SDC2: variants seen among roughly 807,000 people sequenced by gnomAD.
SDC2 encodes the protein syndecan-2.
Under a neutral mutation model 22.2 loss-of-function variants are expected in SDC2, and 13 were observed. The observed-to-expected ratio is 0.59, with a 90% confidence interval of 0.38 to 0.93. The LOEUF (loss-of-function observed/expected upper bound fraction) is 0.93, where lower values mean the gene tolerates loss of function less well. SDC2 is among the 40% of genes least tolerant of loss of function. The probability of loss-of-function intolerance (pLI) is 0.00; values close to 1 mark genes in which losing one functional copy is unlikely to be tolerated. For missense variants in SDC2, 235 were observed against 246.8 expected (o/e 0.95, Z 0.32); for synonymous variants, 94 against 92.8 (o/e 1.01, Z -0.07).
At chr8:96,549,240 A>AT (rs1304469315) in intron 1 of SDC2, among the ~76,000 whole-genome samples, 8 of 152,154 alleles carry the variant, frequency 5.3e-5, no homozygotes, top group Admixed American at 3.9e-4. Flanking sequence ...TCTCCTTTGC[A>AT]TTTTTTTCTC....
At chr8:96,561,381 A>G (rs2582845) in intron 1 of SDC2, among the ~76,000 whole-genome samples, 5,997 of 152,256 alleles carry the variant, frequency 0.039, 441 homozygotes, top group African/African-American at 0.14. Flanking sequence ...AGCTGAGGGG[A>G]GGAAGAACAG....
chr8:96,512,005 C>A (rs990469739), intron 1 of SDC2, among the ~76,000 whole-genome samples: 1 of 152,198 alleles, frequency 6.6e-6, no homozygotes, highest in African/African-American at 2.4e-5. Context: ...TGTGCTCACA[C>A]GCAGTTCTTA....
intron 2 of SDC2, among the ~76,000 whole-genome samples, chr8:96,601,289 G>A (rs1814978448): frequency 6.6e-6 from 1 of 152,122 alleles, no homozygotes; most frequent in African/African-American, 2.4e-5. Flanking sequence ...GCAGAGTGGA[G>A]AAGATGATGA....
rs1262165641 is a variant in SDC2, at chr8:96,501,255, A to C, written c.60+6924A>C. The stretch of plus-strand genomic sequence containing the variant: ...CACGGGACAAGATACGCAATTATTA[A>C]AGGAAAATTTTTTTTAAGGGAAAAG... On this transcript the variant is annotated intron_variant, in intron 1 of 4. Coordinates refer to ENST00000302190, the MANE Select transcript of SDC2 (RefSeq NM_002998.4). Among the ~76,000 whole-genome samples, 4 of 151,672 alleles carry C rather than the reference A, an allele frequency of 2.6e-5. No individual in the cohort carries two copies. The South Asian group carries it at 6.3e-4, about 24-fold the overall frequency.
rs140086662 is a variant in SDC2 at position 96,595,738 on chromosome 8, A to G, written c.172+2147A>G. The stretch of plus-strand genomic sequence containing the variant: ...GTAAGTTTTCTTTAAATTAAACTTA[A>G]GGACAGTCTTAGCAAATCAACACAA... On this transcript the variant is annotated intron_variant, in intron 2 of 4. Transcript: ENST00000302190. Among the ~76,000 whole-genome samples the G allele has an allele frequency of 5.3e-5, 8 of 152,342 alleles. No homozygotes were observed. The East Asian group carries it at 1.3e-3, about 26-fold the overall frequency.
intron 1 of SDC2, among the ~76,000 whole-genome samples, chr8:96,561,500 A>G (rs550172804): frequency 6.6e-6 from 1 of 152,194 alleles, no homozygotes; most frequent in Non-Finnish European, 1.5e-5. Context: ...AATGCTGTAC[A>G]GGTTGTGTGG....
intron 1 of SDC2, among the ~76,000 whole-genome samples, chr8:96,586,215 A>T (rs960536672): frequency 1.3e-5 from 2 of 152,226 alleles, no homozygotes; most frequent in African/African-American, 4.8e-5. Flanking sequence ...TTTAAAAAAG[A>T]GACCATGTAA....
intron 2 of SDC2, 65 bp downstream of exon 2, chr8:96,593,656 G>A: frequency 9.5e-7 from 1 of 1,052,932 alleles, no homozygotes; most frequent in Non-Finnish European, 1.5e-6. Flanking sequence ...ACATTTTACT[G>A]TGCTTACTTC....
chr8:96,601,868 C>T (rs182683647), intron 2 of SDC2, among the ~76,000 whole-genome samples: 7 of 151,816 alleles, frequency 4.6e-5, no homozygotes, highest in Admixed American at 2.0e-4. Flanking sequence ...AAGTGATTCT[C>T]CTGCCTCAGC....
At chr8:96,601,452 C>T (rs1050139429) in intron 2 of SDC2, among the ~76,000 whole-genome samples, 2 of 151,832 alleles carry the variant, frequency 1.3e-5, no homozygotes, top group Admixed American at 6.6e-5. Context: ...CCATCCTGGC[C>T]AACATGGTGA....
intron 1 of SDC2, among the ~76,000 whole-genome samples, chr8:96,538,116 C>T (rs1453611423): frequency 6.6e-6 from 1 of 152,182 alleles, no homozygotes; most frequent in African/African-American, 2.4e-5. Flanking sequence ...GCGCACACCA[C>T]CACGCCCGGC....
At chr8:96,595,317 CAGAAAGTCTG>C (rs1475983916) in intron 2 of SDC2, among the ~76,000 whole-genome samples, 2 of 143,622 alleles carry the variant, frequency 1.4e-5, no homozygotes, top group African/African-American at 4.9e-5. Context: ...AGTTGAAAAG[CAGAAAGTCTG>C]AGAAAGACAA....
rs542751398 is a variant in SDC2 at position 96,502,708 on chromosome 8, A to C, written c.60+8377A>C. On this transcript the variant is annotated intron_variant, in intron 1 of 4. Coordinates refer to ENST00000302190, the MANE Select transcript of SDC2 (RefSeq NM_002998.4). ...GGTAGTGTTGCCTGGGTTTGGATAC[A>C]CTTATTATGTAACCTTGGGCAAGTT... is the stretch of plus-strand genomic sequence containing the variant. 2.6e-4 allele frequency among the ~76,000 whole-genome samples: 39 copies of C among 152,238 alleles called. No homozygotes were observed. The East Asian group carries it at 7.3e-3, about 29-fold the overall frequency.
chr8:96,605,170 A>G (rs375457284), intron 3 of SDC2, among the ~76,000 whole-genome samples: 1 of 152,218 alleles, frequency 6.6e-6, no homozygotes, highest in East Asian at 1.9e-4. Context: ...ATGATTTGTA[A>G]TAATAATGGG....
intron 1 of SDC2, among the ~76,000 whole-genome samples, chr8:96,555,453 T>A (rs1169547232): frequency 6.6e-6 from 1 of 152,178 alleles, no homozygotes; most frequent in Admixed American, 6.5e-5. Context: ...TCTGTTGTCT[T>A]CTCTGTTTCT....
rs935101355 is a variant in SDC2 at position 96,610,376 on chromosome 8, G to A, written c.*828G>A. The A allele has an allele frequency of 6.6e-6, 1 of 152,610 alleles. No homozygotes were observed. Among genetic ancestry groups the A allele is most frequent in the Admixed American group, 6.5e-5 (1 of 15,272 alleles). 9.5% of individuals were successfully genotyped at this position (152,610 alleles called of 1,614,324 possible). A position where few individuals can be genotyped will look rare whatever the true frequency, so the allele number is the denominator to read the frequency against. On this transcript the variant is annotated 3_prime_UTR_variant, in exon 5 of 5. Coordinates refer to ENST00000302190, the MANE Select transcript of SDC2 (RefSeq NM_002998.4). The stretch of plus-strand genomic sequence containing the variant: ...TTAATTTCTTGCAATTTGAAGGTAC[G>A]AGTAGAGGTTTAAAGAAAAATCAGT...
rs1236267155 is a variant in SDC2 at position 96,576,384 on chromosome 8, G to GTTTTTT, written c.61-17092_61-17087dup. On this transcript the variant is annotated intron_variant, in intron 1 of 4. Coordinates refer to ENST00000302190, the MANE Select transcript of SDC2 (RefSeq NM_002998.4). Reference sequence around the variant, plus strand: ...TGGTAGTTTGTTTTTGTTTTGTTTTGTTTTTTTTTACCAGATTTGCTTTAT... The same window carrying GTTTTTT: ...TGGTAGTTTGTTTTTGTTTTGTTTTGTTTTTTTTTTTTTTTACCAGATTTGCTTTAT... 2.6e-3 allele frequency among the ~76,000 whole-genome samples: 133 copies of GTTTTTT among 50,982 alleles called. 8 individuals are homozygous for GTTTTTT. Among genetic ancestry groups the GTTTTTT allele is most frequent in the African/African-American group, 9.2e-3 (116 of 12,664 alleles). 33.4% of individuals were successfully genotyped at this position (50,982 alleles called of 152,430 possible).
At chr8:96,607,296 G>A (rs935677408) in intron 3 of SDC2, among the ~76,000 whole-genome samples, 20 of 152,174 alleles carry the variant, frequency 1.3e-4, no homozygotes, top group Admixed American at 1.0e-3. Flanking sequence ...TTCTGAGGTC[G>A]ATGCGGGATG....
At chr8:96,513,184 G>C (rs1296703027) in intron 1 of SDC2, among the ~76,000 whole-genome samples, 1 of 152,154 alleles carries the variant, frequency 6.6e-6, no homozygotes, top group Non-Finnish European at 1.5e-5. Flanking sequence ...AAATAACATG[G>C]TATTTCCAAG....
Sources: allele counts gnomAD v4.1 joint callset (sites outside exome capture counted in the v4.1 genomes callset), GRCh38; gene constraint gnomAD v4.1.1; transcripts MANE v1.5; gene names NCBI Gene and HGNC (gene_info 2026-07-23, HGNC 2026-07-21).